PALLD: variants seen among roughly 807,000 people sequenced by gnomAD.
PALLD encodes the protein palladin, cytoskeletal associated protein, also known as palladin.
PALLD carries 61 observed loss-of-function variants against 123.5 expected under a neutral mutation model. That is an observed-to-expected ratio of 0.49 (90% CI 0.40 to 0.61). The LOEUF is 0.61. PALLD is among the 20% of genes least tolerant of loss of function. The probability of loss-of-function intolerance (pLI) is 0.00; values close to 1 mark genes in which losing one functional copy is unlikely to be tolerated. For missense variants in PALLD, 1,273 were observed against 1,377.0 expected (o/e 0.92, Z 1.20); for synonymous variants, 465 against 496.4 (o/e 0.94, Z 0.84).
chr4:168,577,488 C>T (rs1000196803), intron 2 of PALLD, among the ~76,000 whole-genome samples: 1 of 152,076 alleles, frequency 6.6e-6, no homozygotes, highest in Non-Finnish European at 1.5e-5. Context: ...AAATGCATGA[C>T]ATTCACAGGA....
chr4:168,889,167 G>GTGGT (rs1560861904), intron 10 of PALLD, among the ~76,000 whole-genome samples: 9 of 41,472 alleles, frequency 2.2e-4, no homozygotes, highest in African/African-American at 4.6e-4. Flanking sequence ...TGTGTGTGTG[G>GTGGT]TTTTTTTTTT....
chr4:168,698,437 C>A (rs1253114476), intron 8 of PALLD, among the ~76,000 whole-genome samples: 1 of 152,086 alleles, frequency 6.6e-6, no homozygotes, highest in Non-Finnish European at 1.5e-5. Context: ...CCCTGTTCTC[C>A]ATGATGTGAT....
intron 3 of PALLD, among the ~76,000 whole-genome samples, chr4:168,677,672 C>T (rs1177154675): frequency 1.3e-5 from 2 of 152,094 alleles, no homozygotes; most frequent in African/African-American, 2.4e-5. Flanking sequence ...AATGGTCTCC[C>T]GGGTCACCCC....
Position 168,515,043 on chromosome 4 carries a change from A to G in PALLD, c.908+2631A>G, listed in dbSNP as rs557051673. ...TGCCCTTCTAGAATAATTAAGTCTC[A>G]TAAAATGTTCCATTGTTGAAAGTTA... On this transcript the variant is annotated intron_variant, in intron 2 of 21. Transcript: ENST00000505667. 5.7e-4 allele frequency among the ~76,000 whole-genome samples: 87 copies of G among 152,350 alleles called. No individual in the cohort carries two copies. In the South Asian group the frequency reaches 0.018, roughly 31 times the overall value.
intron 3 of PALLD, among the ~76,000 whole-genome samples, chr4:168,678,651 G>A (rs1448650058): frequency 6.6e-6 from 1 of 151,920 alleles, no homozygotes; most frequent in African/African-American, 2.4e-5. Context: ...CCTTAAAATT[G>A]CAGCCCCCCG....
At chr4:168,568,418 A>G (rs558171594) in intron 2 of PALLD, among the ~76,000 whole-genome samples, 9 of 152,240 alleles carry the variant, frequency 5.9e-5, no homozygotes, top group South Asian at 2.1e-4. Flanking sequence ...ATGAAGTTCA[A>G]TTCAGGATTT....
intron 11 of PALLD, among the ~76,000 whole-genome samples, chr4:168,891,916 T>A (rs909090156): frequency 6.6e-5 from 10 of 152,182 alleles, no homozygotes. Flanking sequence ...TACTAGATAT[T>A]AATTCAGCAT....
At chr4:168,883,072 G>A (rs1260246494) in intron 10 of PALLD, among the ~76,000 whole-genome samples, 3 of 89,314 alleles carry the variant, frequency 3.4e-5, no homozygotes, top group African/African-American at 8.7e-5. Context: ...CCTGGTGACA[G>A]AGCAAAACTC....
At chr4:168,520,623 C>G (rs1052782698) in intron 2 of PALLD, among the ~76,000 whole-genome samples, 1 of 152,136 alleles carries the variant, frequency 6.6e-6, no homozygotes, top group African/African-American at 2.4e-5. Flanking sequence ...TTCTGCAGAC[C>G]TTAGCGAAAT....
intron 2 of PALLD, chr4:168,654,749 C>T (rs1778391080): frequency 6.6e-6 from 1 of 152,238 alleles, no homozygotes; most frequent in South Asian, 2.1e-4. Flanking sequence ...CATAACCAGG[C>T]TCTCAGGGGA....
At chr4:168,800,419 A>C (rs966569247) in intron 10 of PALLD, among the ~76,000 whole-genome samples, 1 of 152,206 alleles carries the variant, frequency 6.6e-6, no homozygotes, top group Non-Finnish European at 1.5e-5. Context: ...AATTTTTAAA[A>C]GCTACCAGGC....
chr4:168,718,854 A>G (rs1004660503), intron 10 of PALLD, among the ~76,000 whole-genome samples: 1 of 151,816 alleles, frequency 6.6e-6, no homozygotes, highest in African/African-American at 2.4e-5. Flanking sequence ...AAGTGATTGT[A>G]TATATTTATT....
intron 6 of PALLD, among the ~76,000 whole-genome samples, chr4:168,689,268 A>G (rs949190927): frequency 2.6e-5 from 4 of 152,088 alleles, no homozygotes; most frequent in African/African-American, 9.7e-5. Context: ...TTTCCAGGAC[A>G]TCATTTATTG....
chr4:168,653,582 T>G (rs957122654), intron 2 of PALLD, among the ~76,000 whole-genome samples: 2 of 152,228 alleles, frequency 1.3e-5, no homozygotes. Flanking sequence ...TATCTAGCTC[T>G]TCGGCTATAC....
chr4:168,919,115 C>G (rs1430052159), intron 17 of PALLD, among the ~76,000 whole-genome samples: 1 of 152,176 alleles, frequency 6.6e-6, no homozygotes, highest in Non-Finnish European at 1.5e-5. Flanking sequence ...ACAGTACTGT[C>G]TTTCACTGGA....
At chr4:168,732,186 G>A (rs889284787) in intron 10 of PALLD, among the ~76,000 whole-genome samples, 6 of 152,180 alleles carry the variant, frequency 3.9e-5, no homozygotes, top group Admixed American at 6.5e-5. Context: ...AGTTTGTAGC[G>A]TTGGACAAAT....
chr4:168,549,421 A>G (rs1766501534), intron 2 of PALLD, among the ~76,000 whole-genome samples: 2 of 152,228 alleles, frequency 1.3e-5, no homozygotes, highest in Non-Finnish European at 2.9e-5. Context: ...CGGTCTTAAC[A>G]GTTTATATAT....
intron 2 of PALLD, among the ~76,000 whole-genome samples, chr4:168,599,587 A>G (rs1388250085): frequency 6.6e-6 from 1 of 152,170 alleles, no homozygotes; most frequent in Admixed American, 6.5e-5. Context: ...CAACAATATA[A>G]TATGCTATGT....
intron 2 of PALLD, among the ~76,000 whole-genome samples, chr4:168,599,978 T>C (rs6812063): frequency 0.032 from 4,731 of 148,340 alleles, 102 homozygotes; most frequent in Non-Finnish European, 0.048. Context: ...CACACACATA[T>C]ATACATACAT....
Sources: allele counts gnomAD v4.1 joint callset (sites outside exome capture counted in the v4.1 genomes callset), GRCh38; gene constraint gnomAD v4.1.1; transcripts MANE v1.5; gene names NCBI Gene and HGNC (gene_info 2026-07-23, HGNC 2026-07-21).